The following SENP7 variants were observed in gnomAD, a reference collection of about 807,000 sequenced individuals.
SENP7 encodes the protein SUMO specific peptidase 7, also known as sentrin-specific protease 7.
A neutral mutation model predicts 141.2 loss-of-function variants in SENP7; 64 were observed. That is an observed-to-expected ratio of 0.45 (90% CI 0.37 to 0.56). The LOEUF is 0.56. Among genes scored for constraint, SENP7 ranks in the 20% least tolerant of loss-of-function variants. The pLI is 0.00. For missense variants in SENP7, 1,025 were observed against 1,212.2 expected, an observed-to-expected ratio of 0.85 and a Z score of 2.29; for synonymous variants, 382 against 426.4, an observed-to-expected ratio of 0.90 and a Z score of 1.28.
rs78527518 is a variant in SENP7 at position 101,351,863 on chromosome 3, C to T, written c.1624-212G>A. On this transcript the variant is annotated intron_variant, in intron 11 of 23. Coordinates refer to ENST00000394095, the MANE Select transcript of SENP7 (RefSeq NM_020654.5). ...TGTAAGTAATTTAATTCTCAATATG[C>T]TCATTTACAAAAACCAGTAAGACTA... Among the ~76,000 whole-genome samples, 829 of 151,878 alleles carry T rather than the reference C, an allele frequency of 5.5e-3. 8 individuals carry two copies. Among genetic ancestry groups the T allele is most frequent in the African/African-American group, 0.019 (776 of 41,476 alleles).
intron 5 of SENP7, among the ~76,000 whole-genome samples, chr3:101,402,421 C>T (rs1044440287): frequency 1.3e-5 from 2 of 151,850 alleles, no homozygotes; most frequent in Admixed American, 6.6e-5. Flanking sequence ...GTCAGGAGTT[C>T]GAGACCAGCC....
At position 101,417,805 on chromosome 3, in the gene SENP7, A is replaced by T; in HGVS notation, c.285-15T>A. On this transcript the variant is annotated splice_polypyrimidine_tract_variant and intron_variant, in intron 4 of 23. Coordinates refer to ENST00000394095, the MANE Select transcript of SENP7 (RefSeq NM_020654.5). ...CTTTGAGTTGCCTGTTATACACATA[A>T]ATAATTAGTATATATGGTACTACAC... The T allele has an allele frequency of 6.4e-7, 1 of 1,571,100 alleles. No individual in the cohort carries two copies. The highest frequency in any genetic ancestry group is 8.8e-7 in the Non-Finnish European group (1 of 1,140,924).
chr3:101,415,193 A>G (rs1466096047), intron 5 of SENP7, among the ~76,000 whole-genome samples: 4 of 152,230 alleles, frequency 2.6e-5, no homozygotes, highest in Non-Finnish European at 5.9e-5. Flanking sequence ...AAGATGTGGA[A>G]TTGGGAGGGA....
chr3:101,334,599 A>G (rs945683906), intron 17 of SENP7, among the ~76,000 whole-genome samples: 2 of 152,200 alleles, frequency 1.3e-5, no homozygotes, highest in Non-Finnish European at 2.9e-5. Context: ...ACTATGTGGA[A>G]GATTAACCAC....
intron 1 of SENP7, among the ~76,000 whole-genome samples, chr3:101,503,125 G>A (rs2065458541): frequency 1.3e-5 from 2 of 152,068 alleles, no homozygotes; most frequent in Admixed American, 1.3e-4. Flanking sequence ...CACAAAAAAA[G>A]AATATCCAAA....
intron 3 of SENP7, among the ~76,000 whole-genome samples, chr3:101,488,200 A>T: frequency 6.6e-6 from 1 of 151,852 alleles, no homozygotes; most frequent in Middle Eastern, 3.4e-3. Flanking sequence ...ACTCCTAGGT[A>T]TTTCATTTTT....
intron 6 of SENP7, 128 bp from the exon 7 acceptor site, chr3:101,372,254 G>A (rs993819117): frequency 1.1e-5 from 5 of 442,064 alleles, no homozygotes; most frequent in Non-Finnish European, 2.0e-5. Flanking sequence ...TAAGATCTGG[G>A]TAGTAAAAAA....
chr3:101,347,615 A>G (rs1001162916), intron 13 of SENP7: 19 of 190,400 alleles, frequency 1.0e-4, no homozygotes, highest in Non-Finnish European at 1.5e-4. Flanking sequence ...CCAGCTACTC[A>G]GGAGGCTGAG....
At chr3:101,451,566 A>C (rs2063137274) in intron 4 of SENP7, among the ~76,000 whole-genome samples, 1 of 152,226 alleles carries the variant, frequency 6.6e-6, no homozygotes, top group South Asian at 2.1e-4. Context: ...CAACATACGA[A>C]AATCAATAAA....
rs144603399 is a variant in SENP7, at chr3:101,325,996, G to A, written c.3100C>T (p.Arg1034Ter). 1.2e-5 allele frequency: 19 copies of A among 1,610,794 alleles called. No individual in the cohort carries two copies. Among genetic ancestry groups the A allele is most frequent in the African/African-American group, 1.3e-5 (1 of 74,640 alleles). The change falls in exon 24 of 24, where the codon CGA becomes TGA. Residue 1034 changes from arginine (R) to a stop codon, truncating the protein, a stop_gained. Coordinates refer to ENST00000394095, the MANE Select transcript of SENP7 (RefSeq NM_020654.5). LOFTEE classifies it high-confidence loss of function. ...AAATGAAGTTTCAAGATGAGCTCTC[G>A]AATATCTTCCCGTTTGGTCTTTATT... The part of the protein sequence containing the change: ...HVIKTKREDI[R>*]ELILKLHLQQ...
At chr3:101,332,237 T>G (rs2059076886) in intron 18 of SENP7, 128 bp from the exon 19 acceptor site, 1 of 879,108 alleles carries the variant, frequency 1.1e-6, no homozygotes, top group Non-Finnish European at 1.7e-6. Flanking sequence ...CTGTAACATC[T>G]CATTATAATA....
intron 1 of SENP7, among the ~76,000 whole-genome samples, chr3:101,502,548 G>A (rs1375453452): frequency 2.6e-5 from 4 of 151,950 alleles, no homozygotes; most frequent in African/African-American, 7.3e-5. Flanking sequence ...CACCCACCTC[G>A]GCCACCCAAA....
At chr3:101,331,525 A>C (rs983839060) in intron 19 of SENP7, among the ~76,000 whole-genome samples, 1 of 147,702 alleles carries the variant, frequency 6.8e-6, no homozygotes, top group Admixed American at 6.9e-5. Context: ...TTTATCTGTC[A>C]ATTTTTTTAA....
chr3:101,486,935 C>A (rs140740380), intron 3 of SENP7, among the ~76,000 whole-genome samples: 1 of 152,086 alleles, frequency 6.6e-6, no homozygotes, highest in Non-Finnish European at 1.5e-5. Context: ...GCATTTCATG[C>A]AAATGGACAC....
intron 6 of SENP7, among the ~76,000 whole-genome samples, chr3:101,392,573 T>C (rs1187832416): frequency 1.3e-5 from 2 of 152,150 alleles, no homozygotes; most frequent in Non-Finnish European, 2.9e-5. Context: ...TATCCCAAGC[T>C]CATGGATTAG....
chr3:101,474,988 T>C (rs1345879371), intron 3 of SENP7, among the ~76,000 whole-genome samples: 1 of 152,114 alleles, frequency 6.6e-6, no homozygotes, highest in African/African-American at 2.4e-5. Flanking sequence ...ACTTCACCTA[T>C]AAAGACACAC....
intron 5 of SENP7, among the ~76,000 whole-genome samples, chr3:101,403,677 CT>C: frequency 6.6e-6 from 1 of 152,270 alleles, no homozygotes; most frequent in East Asian, 1.9e-4. Context: ...ACCCGATAGT[CT>C]CAGCACAAAA....
At chr3:101,445,563 C>A (rs890431182) in intron 4 of SENP7, among the ~76,000 whole-genome samples, 1 of 151,720 alleles carries the variant, frequency 6.6e-6, no homozygotes, top group Non-Finnish European at 1.5e-5. Flanking sequence ...CAATAACAAC[C>A]TTACATGTAA....
intron 12 of SENP7, among the ~76,000 whole-genome samples, chr3:101,350,090 A>G (rs2059575347): frequency 6.6e-6 from 1 of 152,138 alleles, no homozygotes; most frequent in Non-Finnish European, 1.5e-5. Context: ...TCTGTCTAAA[A>G]TATCAATATG....
Sources: gnomAD v4.1 joint callset for allele counts (sites outside exome capture counted in the v4.1 genomes callset) on GRCh38, gnomAD v4.1.1 for gene constraint, MANE v1.5 for transcripts, NCBI Gene and HGNC (gene_info 2026-07-23, HGNC 2026-07-21) for gene names.